The following UNC5D variants were observed in gnomAD, a reference collection of about 807,000 sequenced individuals.
UNC5D encodes the protein netrin receptor UNC5D.
Under a neutral mutation model 105.4 loss-of-function variants are expected in UNC5D, and 39 were observed. The observed-to-expected ratio is 0.37, with a 90% CI of 0.29 to 0.48. The LOEUF (loss-of-function observed/expected upper bound fraction) is 0.48, where lower values mean the gene tolerates loss of function less well. UNC5D is among the 20% of genes least tolerant of loss of function. The pLI, the probability that UNC5D is intolerant of heterozygous loss-of-function variation, is 0.98. For synonymous variants in UNC5D, 452 were observed against 450.4 expected (o/e 1.00, Z -0.04); for missense variants, 991 against 1,202.4 (o/e 0.82, Z 2.60).
At chr8:35,241,358 A>T (rs995234899) in intron 1 of UNC5D, among the ~76,000 whole-genome samples, 17 of 152,136 alleles carry the variant, frequency 1.1e-4, no homozygotes, top group Admixed American at 9.8e-4. Flanking sequence ...TCCACTGCTA[A>T]TTCCTGTGGT....
intron 4 of UNC5D, among the ~76,000 whole-genome samples, chr8:35,629,546 G>A (rs1400476958): frequency 6.6e-6 from 1 of 152,076 alleles, no homozygotes; most frequent in African/African-American, 2.4e-5. Flanking sequence ...CTCCAAAATG[G>A]GGGTAGGAGA....
chr8:35,599,541 A>C (rs1159871089), intron 4 of UNC5D, among the ~76,000 whole-genome samples: 1 of 152,222 alleles, frequency 6.6e-6, no homozygotes, highest in Non-Finnish European at 1.5e-5. Flanking sequence ...CCAGGTGTTC[A>C]ATAAATACTT....
At chr8:35,578,923 T>A (rs1818290749) in intron 3 of UNC5D, among the ~76,000 whole-genome samples, 1 of 152,224 alleles carries the variant, frequency 6.6e-6, no homozygotes, top group South Asian at 2.1e-4. Flanking sequence ...ACGATTATTT[T>A]ACCAAGAAGA....
intron 11 of UNC5D, among the ~76,000 whole-genome samples, chr8:35,746,459 C>CT (rs1830012437): frequency 6.6e-6 from 1 of 152,146 alleles, no homozygotes; most frequent in African/African-American, 2.4e-5. Flanking sequence ...CCCATGGACA[C>CT]TATTTTCACA....
chr8:35,737,361 TA>T (rs1829530793), intron 11 of UNC5D, among the ~76,000 whole-genome samples: 1 of 150,930 alleles, frequency 6.6e-6, no homozygotes, highest in Non-Finnish European at 1.5e-5. Context: ...AACTGATGAT[TA>T]ATTAGGAGAG....
At chr8:35,619,491 G>GA (rs977816979) in intron 4 of UNC5D, among the ~76,000 whole-genome samples, 35 of 152,034 alleles carry the variant, frequency 2.3e-4, no homozygotes, top group South Asian at 8.3e-4. Context: ...CTTCCATCCT[G>GA]AAAAAAAACT....
chr8:35,284,610 A>G lies in UNC5D; in HGVS notation c.103+48723A>G, dbSNP rs1316130495. Among the ~76,000 whole-genome samples the G allele has an allele frequency of 2.6e-5, 4 of 152,142 alleles. No homozygotes were observed. In the East Asian group the frequency reaches 7.7e-4, roughly 29 times the overall value. ...CACTCTGTCGCCCAGGCTGCAGTGC[A>G]GTGGCACGACCTCAGCTCACTATAA... On this transcript the variant is annotated intron_variant, in intron 1 of 16. Coordinates refer to ENST00000404895, the MANE Select transcript of UNC5D (RefSeq NM_080872.4).
intron 1 of UNC5D, among the ~76,000 whole-genome samples, chr8:35,360,566 G>T (rs10503977): frequency 6.6e-6 from 1 of 152,028 alleles, no homozygotes; most frequent in Admixed American, 6.6e-5. Flanking sequence ...TTAGTGCATC[G>T]TCTATAGGTT....
chr8:35,438,725 T>G (rs1043001209), intron 1 of UNC5D, among the ~76,000 whole-genome samples: 2 of 151,882 alleles, frequency 1.3e-5, no homozygotes, highest in African/African-American at 4.8e-5. Flanking sequence ...AGGCTCCAAG[T>G]ATAAGGTTGG....
At chr8:35,762,254 T>G (rs950031482) in intron 14 of UNC5D, among the ~76,000 whole-genome samples, 5 of 152,122 alleles carry the variant, frequency 3.3e-5, no homozygotes, top group Admixed American at 1.3e-4. Flanking sequence ...TGAGAAATGT[T>G]TTTAGAATGG....
At chr8:35,487,720 A>C (rs180857916) in intron 1 of UNC5D, among the ~76,000 whole-genome samples, 6 of 152,278 alleles carry the variant, frequency 3.9e-5, no homozygotes, top group Admixed American at 3.3e-4. Context: ...AGTGAGGGAT[A>C]TAGGTAGAAA....
chr8:35,673,600 G>A (rs1265266579), intron 4 of UNC5D, among the ~76,000 whole-genome samples: 1 of 152,052 alleles, frequency 6.6e-6, no homozygotes, highest in Non-Finnish European at 1.5e-5. Context: ...GCCTATCTTG[G>A]GGTTGCCGTG....
chr8:35,256,555 G>A (rs1563254378), intron 1 of UNC5D: 1 of 151,116 alleles, frequency 6.6e-6, no homozygotes, highest in Non-Finnish European at 1.5e-5. Context: ...CCATAAAAAT[G>A]TCTTCATTTG....
intron 4 of UNC5D, among the ~76,000 whole-genome samples, chr8:35,641,512 G>A (rs935258981): frequency 2.6e-5 from 4 of 151,992 alleles, no homozygotes; most frequent in Non-Finnish European, 5.9e-5. Context: ...TTCTCTTGGT[G>A]AGAATACATA....
At chr8:35,525,435 G>C in intron 1 of UNC5D, 4 of 1,612,188 alleles carry the variant, frequency 2.5e-6, no homozygotes, top group Non-Finnish European at 3.4e-6. Context: ...GCCCTCTAGA[G>C]AGACACCAGC....
intron 1 of UNC5D, among the ~76,000 whole-genome samples, chr8:35,495,345 T>G (rs1265933106): frequency 6.6e-6 from 1 of 151,310 alleles, no homozygotes; most frequent in Non-Finnish European, 1.5e-5. Context: ...AGAGCCTTGA[T>G]TTAGAGCAGG....
At chr8:35,536,400 A>C (rs529368843) in intron 1 of UNC5D, among the ~76,000 whole-genome samples, 17 of 152,366 alleles carry the variant, frequency 1.1e-4, no homozygotes, top group Admixed American at 2.6e-4. Context: ...TCAATGTCTT[A>C]GGCGATTTCC....
chr8:35,420,453 C>T (rs781548979), intron 1 of UNC5D, among the ~76,000 whole-genome samples: 5 of 152,134 alleles, frequency 3.3e-5, no homozygotes, highest in Admixed American at 1.3e-4. Context: ...ATTGCCAATG[C>T]GGTACTCTGA....
chr8:35,495,654 CCT>C (rs1811532832), intron 1 of UNC5D, among the ~76,000 whole-genome samples: 1 of 151,914 alleles, frequency 6.6e-6, no homozygotes, highest in Non-Finnish European at 1.5e-5. Context: ...TTCTGGTGCC[CCT>C]GTCTGTGCCT....
Sources: allele counts gnomAD v4.1 joint callset (sites outside exome capture counted in the v4.1 genomes callset), GRCh38; gene constraint gnomAD v4.1.1; transcripts MANE v1.5; gene names NCBI Gene and HGNC (gene_info 2026-07-23, HGNC 2026-07-21).